Variants in YPEL1 observed in about 807,000 individuals in gnomAD.
YPEL1 encodes the protein yippee like 1, also known as protein yippee-like 1.
Under a neutral mutation model 17.3 loss-of-function variants are expected in YPEL1, and 7 were observed. The observed-to-expected ratio is 0.40, with a 90% CI of 0.23 to 0.76. The LOEUF (loss-of-function observed/expected upper bound fraction) is 0.76, where lower values mean the gene tolerates loss of function less well. Ranked by LOEUF, YPEL1 falls within the 30% of genes least tolerant of loss-of-function variation. YPEL1 has a pLI of 0.35. For synonymous variants in YPEL1, 59 were observed against 59.6 expected (o/e 0.99, Z 0.05); for missense variants, 91 against 155.5 (o/e 0.59, Z 2.21).
In YPEL1 at chr22:21,700,874, G is replaced by T. The variant is rs947270255; in HGVS notation, c.*255C>A. On this transcript the variant is annotated 3_prime_UTR_variant, in exon 5 of 5. Coordinates refer to ENST00000339468, the MANE Select transcript of YPEL1 (RefSeq NM_013313.5). ...TAACTAGGCAGGTAAGTCATCAGTT[G>T]GTTAATTCTTTCTCTAGAACTTGAG... 2.6e-6 allele frequency: 1 copy of T among 386,378 alleles called. No homozygotes were observed. 23.9% of individuals were successfully genotyped at this position (386,378 alleles called of 1,614,324 possible). A position where few individuals can be genotyped will look rare whatever the true frequency, so the allele number is the denominator to read the frequency against.
chr22:21,730,312 C>T (rs530998794), intron 1 of YPEL1, among the ~76,000 whole-genome samples: 33 of 152,204 alleles, frequency 2.2e-4, no homozygotes, highest in African/African-American at 7.7e-4. Flanking sequence ...CAGCCTCCGC[C>T]TCCTGGATTC....
chr22:21,704,012 G>A, intron 2 of YPEL1, 130 bp from the exon 3 acceptor site: 9 of 995,948 alleles, frequency 9.0e-6, no homozygotes, highest in East Asian at 7.8e-5. Context: ...AGCAGACACC[G>A]GCGTCCCCCC....
chr22:21,719,813 G>A (rs2068262374), intron 1 of YPEL1, among the ~76,000 whole-genome samples: 1 of 152,008 alleles, frequency 6.6e-6, no homozygotes, highest in Non-Finnish European at 1.5e-5. Flanking sequence ...GGATCATGAG[G>A]TCAGGAGTTC....
At chr22:21,716,404 G>GGAAACCA (rs1245092941) in intron 1 of YPEL1, among the ~76,000 whole-genome samples, 15 of 152,258 alleles carry the variant, frequency 9.9e-5, no homozygotes, top group African/African-American at 3.6e-4. Flanking sequence ...CACCATCTGG[G>GGAAACCA]GAAACCAGAA....
At chr22:21,721,520 T>A (rs947681707) in intron 1 of YPEL1, among the ~76,000 whole-genome samples, 16 of 151,602 alleles carry the variant, frequency 1.1e-4, no homozygotes, top group Non-Finnish European at 1.6e-4. Context: ...ACCTCCTGGG[T>A]TCAAGCGATT....
At position 21,701,230 on chromosome 22, in the gene YPEL1, A is replaced by G. The variant is rs770748977; in HGVS notation, c.271-12T>C. The G allele has an allele frequency of 6.2e-7, 1 of 1,608,234 alleles. No homozygotes were observed. Among genetic ancestry groups the G allele is most frequent in the Non-Finnish European group, 8.5e-7 (1 of 1,175,138 alleles). ...TCAAAGGCATGCTCCTTGAAAAAGAAGAGACAAAGGTTTCAGGACAGAAGG... is the reference window on the plus strand; with the variant it reads ...TCAAAGGCATGCTCCTTGAAAAAGAGGAGACAAAGGTTTCAGGACAGAAGG... On this transcript the variant is annotated splice_polypyrimidine_tract_variant and intron_variant, in intron 4 of 4. Coordinates refer to ENST00000339468, the MANE Select transcript of YPEL1 (RefSeq NM_013313.5).
intron 1 of YPEL1, among the ~76,000 whole-genome samples, chr22:21,726,231 G>A (rs554770009): frequency 1.8e-4 from 28 of 152,274 alleles, no homozygotes; most frequent in Non-Finnish European, 2.4e-4. Context: ...AGGACCAGCC[G>A]CAGCCTGCTG....
At chr22:21,719,771 G>T (rs2068261816) in intron 1 of YPEL1, among the ~76,000 whole-genome samples, 2 of 151,934 alleles carry the variant, frequency 1.3e-5, no homozygotes, top group South Asian at 4.2e-4. Context: ...CTCACGCCTG[G>T]AATCCCAGCA....
In YPEL1 at chr22:21,703,041, AGCCT is replaced by A. The variant is rs2068080846; in HGVS notation, c.270+325_270+328del. Among the ~76,000 whole-genome samples the A allele has an allele frequency of 6.6e-6, 1 of 152,220 alleles. No homozygotes were observed. Among genetic ancestry groups the A allele is most frequent in the Non-Finnish European group, 1.5e-5 (1 of 68,030 alleles). On this transcript the variant is annotated intron_variant, in intron 4 of 4. Transcript: ENST00000339468. The surrounding 1 kb of genome is among the most constrained non-coding windows in gnomAD (Gnocchi z 6.1). The stretch of plus-strand genomic sequence containing the variant: ...GGCACAGCCTCCCGCAGCCCCCTGC[AGCCT>A]CCTCGGCCTCCTCCCACACCAGGCT...
At chr22:21,717,031 A>T (rs2148606846) in intron 1 of YPEL1, among the ~76,000 whole-genome samples, 1 of 151,930 alleles carries the variant, frequency 6.6e-6, no homozygotes, top group East Asian at 1.9e-4. Flanking sequence ...AAAAGAGAAT[A>T]CCTACACTGA....
At chr22:21,704,269 C>T (rs964329610) in intron 2 of YPEL1, 1 of 697,376 alleles carries the variant, frequency 1.4e-6, no homozygotes, top group Admixed American at 2.0e-5. Context: ...ATGCTCTCCT[C>T]GCCGCCTCTT....
chr22:21,735,231 TAGG>T (rs1478545342), intron 1 of YPEL1, among the ~76,000 whole-genome samples: 1 of 152,180 alleles, frequency 6.6e-6, no homozygotes, highest in African/African-American at 2.4e-5. Context: ...TAAACATTCC[TAGG>T]AGACCTCTTT....
intron 1 of YPEL1, among the ~76,000 whole-genome samples, chr22:21,723,813 A>G (rs1425738944): frequency 6.6e-6 from 1 of 151,178 alleles, no homozygotes; most frequent in Admixed American, 6.6e-5. Flanking sequence ...CTACAGGTGC[A>G]CGTCATCACG....
chr22:21,724,689 T>TCC (rs1181773181), intron 1 of YPEL1, among the ~76,000 whole-genome samples: 5 of 151,518 alleles, frequency 3.3e-5, no homozygotes, highest in East Asian at 2.0e-4. Context: ...CAAGTGATTC[T>TCC]TGTACCTCAG....
chr22:21,706,567 C>G (rs1211891002), intron 2 of YPEL1, among the ~76,000 whole-genome samples: 2 of 152,160 alleles, frequency 1.3e-5, no homozygotes, highest in Admixed American at 1.3e-4. Context: ...GAAAAACAGT[C>G]ATAGGCTAGG....
At chr22:21,723,651 G>A (rs1211288244) in intron 1 of YPEL1, among the ~76,000 whole-genome samples, 2 of 151,546 alleles carry the variant, frequency 1.3e-5, no homozygotes, top group Non-Finnish European at 2.9e-5. Context: ...ACAGGTGTGA[G>A]CCACTGTGCC....
intron 4 of YPEL1, among the ~76,000 whole-genome samples, 178 bp from the exon 5 acceptor site, chr22:21,701,396 G>T (rs1438017579): frequency 6.6e-6 from 1 of 152,226 alleles, no homozygotes; most frequent in South Asian, 2.1e-4. Context: ...TTGAGGCAGT[G>T]TAGGTTTACT....
intron 2 of YPEL1, among the ~76,000 whole-genome samples, chr22:21,705,175 C>T (rs908512943): frequency 6.6e-6 from 1 of 152,154 alleles, no homozygotes; most frequent in Non-Finnish European, 1.5e-5. Flanking sequence ...GATAGGGTTT[C>T]GCCATGTTGG....
chr22:21,712,965 A>G (rs2068185257), intron 1 of YPEL1, among the ~76,000 whole-genome samples: 1 of 152,078 alleles, frequency 6.6e-6, no homozygotes, highest in African/African-American at 2.4e-5. Context: ...TTATATAAAC[A>G]TTTCTCCGAA....
Sources: gnomAD v4.1 joint callset for allele counts (sites outside exome capture counted in the v4.1 genomes callset) on GRCh38, gnomAD v4.1.1 for gene constraint, Gnocchi (gnomAD v3.1) non-coding constraint, MANE v1.5 for transcripts, NCBI Gene and HGNC (gene_info 2026-07-23, HGNC 2026-07-21) for gene names.